Variants in MACROD2 observed in about 807,000 individuals in gnomAD.
MACROD2 encodes mono-ADP ribosylhydrolase 2.
Under a neutral mutation model 70.4 loss-of-function variants are expected in MACROD2, and 36 were observed. That is an observed-to-expected ratio of 0.51 (90% CI 0.39 to 0.68). The LOEUF (loss-of-function observed/expected upper bound fraction) is 0.68. Among genes scored for constraint, MACROD2 ranks in the 30% least tolerant of loss-of-function variants. The pLI is 0.00. For missense variants in MACROD2, 496 were observed against 538.4 expected, an observed-to-expected ratio of 0.92 and a Z score of 0.78; for synonymous variants, 172 against 178.8, an observed-to-expected ratio of 0.96 and a Z score of 0.30.
intron 10 of MACROD2, among the ~76,000 whole-genome samples, chr20:15,900,222 T>G (rs1265507595): frequency 6.6e-6 from 1 of 152,188 alleles, no homozygotes. Flanking sequence ...ATGAGCTTAG[T>G]GATTGACCAG....
In MACROD2 at chr20:15,353,244, A is replaced by C. The variant is rs1431267469; in HGVS notation, c.541-78161A>C. On this transcript the variant is annotated intron_variant, in intron 6 of 17. Coordinates refer to ENST00000684519, the MANE Select transcript of MACROD2 (RefSeq NM_001351661.2). Reference sequence around the variant, plus strand: ...CTTTGACAAACCTGACAAAAACAAGAAATGGCGAAAGGATTCCCTATTTAA... The same window carrying C: ...CTTTGACAAACCTGACAAAAACAAGCAATGGCGAAAGGATTCCCTATTTAA... Among the ~76,000 whole-genome samples the C allele has an allele frequency of 5.9e-5, 9 of 152,228 alleles. No homozygotes were observed. In the South Asian group the frequency reaches 6.2e-4, roughly 11 times the overall value.
intron 3 of MACROD2, among the ~76,000 whole-genome samples, chr20:14,099,558 A>G (rs2054271381): frequency 6.6e-6 from 1 of 152,190 alleles, no homozygotes; most frequent in Non-Finnish European, 1.5e-5. Context: ...ATATGTCACA[A>G]CTTATATATC....
chr20:15,847,798 T>C (rs1366640848), intron 8 of MACROD2, among the ~76,000 whole-genome samples: 1 of 152,212 alleles, frequency 6.6e-6, no homozygotes, highest in Non-Finnish European at 1.5e-5. Context: ...AGTTGACATT[T>C]CTATGCCGTA....
intron 3 of MACROD2, among the ~76,000 whole-genome samples, chr20:14,329,970 A>G (rs760747942): frequency 9.9e-5 from 15 of 151,996 alleles, no homozygotes; most frequent in Admixed American, 4.6e-4. Flanking sequence ...CCAAAAGGTG[A>G]CATAGAAGTT....
intron 2 of MACROD2, among the ~76,000 whole-genome samples, chr20:14,071,485 T>G (rs775784198): frequency 7.9e-5 from 12 of 151,714 alleles, no homozygotes; most frequent in Non-Finnish European, 1.3e-4. Flanking sequence ...TGGTCTCCGT[T>G]TCCTGACCTC....
At chr20:14,853,233 T>TA (rs2073218995) in intron 5 of MACROD2, among the ~76,000 whole-genome samples, 1 of 150,996 alleles carries the variant, frequency 6.6e-6, no homozygotes, top group African/African-American at 2.4e-5. Flanking sequence ...GTTTGTGACA[T>TA]ATAAAGCAAC....
chr20:14,667,355 G>C (rs959073349), intron 4 of MACROD2, among the ~76,000 whole-genome samples: 1 of 152,148 alleles, frequency 6.6e-6, no homozygotes, highest in Non-Finnish European at 1.5e-5. Context: ...GACATGTCTT[G>C]AAAGGAACTG....
At chr20:14,352,371 A>G (rs2083131300) in intron 3 of MACROD2, 1 of 152,212 alleles carries the variant, frequency 6.6e-6, no homozygotes, top group Non-Finnish European at 1.5e-5. Context: ...AGAGAAGATT[A>G]GAATGGCCCC....
At chr20:15,344,623 C>A (rs898172533) in intron 6 of MACROD2, among the ~76,000 whole-genome samples, 2 of 152,082 alleles carry the variant, frequency 1.3e-5, no homozygotes, top group African/African-American at 4.8e-5. Flanking sequence ...TTGTGCTAAC[C>A]AGACTCACAG....
At chr20:14,655,786 A>G (rs1006200471) in intron 4 of MACROD2, among the ~76,000 whole-genome samples, 2 of 152,212 alleles carry the variant, frequency 1.3e-5, no homozygotes, top group Non-Finnish European at 2.9e-5. Context: ...GTAAAACTCT[A>G]TGGACCTACT....
intron 9 of MACROD2, among the ~76,000 whole-genome samples, chr20:15,881,232 G>A (rs776592778): frequency 2.6e-5 from 4 of 152,086 alleles, no homozygotes; most frequent in Non-Finnish European, 2.9e-5. Context: ...CTAATTCAGT[G>A]AGACAGCAGT....
At chr20:15,478,897 T>C (rs2047057653) in intron 7 of MACROD2, among the ~76,000 whole-genome samples, 1 of 152,214 alleles carries the variant, frequency 6.6e-6, no homozygotes, top group Non-Finnish European at 1.5e-5. Flanking sequence ...AAAATGGCCC[T>C]GTCCTGCTGC....
chr20:15,359,980 G>A (rs1365366279), intron 6 of MACROD2, among the ~76,000 whole-genome samples: 1 of 152,030 alleles, frequency 6.6e-6, no homozygotes, highest in Non-Finnish European at 1.5e-5. Flanking sequence ...CCTACCTCAT[G>A]CTACCCATTC....
chr20:15,567,227 C>G (rs1032389822), intron 8 of MACROD2, among the ~76,000 whole-genome samples: 1 of 151,420 alleles, frequency 6.6e-6, no homozygotes, highest in African/African-American at 2.4e-5. Flanking sequence ...TTTAGTTAGT[C>G]AAGACTTTAT....
At chr20:15,698,885 G>A (rs2050414363) in intron 8 of MACROD2, among the ~76,000 whole-genome samples, 2 of 152,106 alleles carry the variant, frequency 1.3e-5, no homozygotes, top group African/African-American at 2.4e-5. Flanking sequence ...ACTTTCCAGA[G>A]CATTTTGCAT....
intron 2 of MACROD2, among the ~76,000 whole-genome samples, chr20:14,079,288 C>G (rs1371782350): frequency 1.3e-5 from 2 of 152,138 alleles, no homozygotes; most frequent in Non-Finnish European, 2.9e-5. Flanking sequence ...TACTTGTAGA[C>G]CATACCATTG....
intron 12 of MACROD2, among the ~76,000 whole-genome samples, chr20:15,941,723 A>G (rs2065753863): frequency 6.6e-6 from 1 of 152,186 alleles, no homozygotes; most frequent in Non-Finnish European, 1.5e-5. Context: ...TGCTGATCAA[A>G]TGTCCTGAAG....
intron 3 of MACROD2, among the ~76,000 whole-genome samples, chr20:14,182,024 T>C (rs566464708): frequency 2.0e-5 from 3 of 152,368 alleles, no homozygotes; most frequent in South Asian, 2.1e-4. Context: ...ATTGCTGTCA[T>C]GTGCTAACTC....
chr20:14,228,956 G>C (rs1282439198), intron 3 of MACROD2, among the ~76,000 whole-genome samples: 3 of 145,208 alleles, frequency 2.1e-5, no homozygotes, highest in African/African-American at 7.7e-5. Flanking sequence ...GTTGCAGTGA[G>C]CCAGGATCAT....
Sources: gnomAD v4.1 joint callset for allele counts (sites outside exome capture counted in the v4.1 genomes callset) on GRCh38, gnomAD v4.1.1 for gene constraint, MANE v1.5 for transcripts, NCBI Gene and HGNC (gene_info 2026-07-23, HGNC 2026-07-21) for gene names.